AKAP19: variants seen among roughly 807,000 people sequenced by gnomAD.
AKAP19 encodes A-kinase anchoring protein 19.
the AKAP19 span, among the ~76,000 whole-genome samples, chr2:190,164,398 T>TG: frequency 6.6e-6 from 1 of 151,976 alleles, no homozygotes. Flanking sequence ...TAGGCATGCG[T>TG]GGTGGCACTG....
At chr2:189,955,957 G>GT in the AKAP19 span, among the ~76,000 whole-genome samples, 2 of 151,924 alleles carry the variant, frequency 1.3e-5, no homozygotes, top group Admixed American at 1.3e-4. Context: ...TTAGCCATTT[G>GT]TTTTTTCTGG....
At chr2:190,086,389 C>T in the AKAP19 span, among the ~76,000 whole-genome samples, 1 of 152,190 alleles carries the variant, frequency 6.6e-6, no homozygotes, top group Admixed American at 6.5e-5. Context: ...GATGACGAAT[C>T]TCCTAAATGT....
chr2:190,105,896 C>CT, the AKAP19 span, among the ~76,000 whole-genome samples: 1 of 152,196 alleles, frequency 6.6e-6, no homozygotes, highest in Admixed American at 6.5e-5. Flanking sequence ...TCTTATTCAT[C>CT]TTTATTCCTC....
the AKAP19 span, among the ~76,000 whole-genome samples, chr2:190,117,476 A>G: frequency 6.6e-6 from 1 of 152,258 alleles, no homozygotes; most frequent in Admixed American, 6.5e-5. Context: ...TCATGTGGAA[A>G]TGCTACACAC....
At chr2:190,063,632 G>C in the AKAP19 span, among the ~76,000 whole-genome samples, 1 of 152,050 alleles carries the variant, frequency 6.6e-6, no homozygotes, top group Non-Finnish European at 1.5e-5. Context: ...AATTATATCA[G>C]AATATTATGA....
the AKAP19 span, among the ~76,000 whole-genome samples, chr2:189,937,645 C>T: frequency 6.6e-6 from 1 of 152,030 alleles, no homozygotes; most frequent in South Asian, 2.1e-4. Flanking sequence ...AAATGGCAAA[C>T]CGATATATGA....
At chr2:189,895,733 A>G in the AKAP19 span, among the ~76,000 whole-genome samples, 26 of 152,270 alleles carry the variant, frequency 1.7e-4, no homozygotes, top group African/African-American at 5.8e-4. Flanking sequence ...GAGCAACTAA[A>G]TGTTTTTGAA....
chr2:190,058,373 A>G, the AKAP19 span, among the ~76,000 whole-genome samples: 3 of 152,026 alleles, frequency 2.0e-5, no homozygotes, highest in African/African-American at 4.8e-5. Flanking sequence ...AAAAAGGAAC[A>G]CTTTCTTAAA....
At chr2:190,089,042 C>T in the AKAP19 span, among the ~76,000 whole-genome samples, 4 of 152,162 alleles carry the variant, frequency 2.6e-5, no homozygotes, top group Non-Finnish European at 4.4e-5. Context: ...CAGCAGGGGT[C>T]ACTATAGCCA....
chr2:190,154,077 G>A, the AKAP19 span, among the ~76,000 whole-genome samples: 2,165 of 151,990 alleles, frequency 0.014, 51 homozygotes, highest in African/African-American at 0.049. Context: ...ATTTCAACAC[G>A]AAATTTCAGT....
chr2:190,112,317 T>G, the AKAP19 span, among the ~76,000 whole-genome samples: 1 of 152,196 alleles, frequency 6.6e-6, no homozygotes, highest in East Asian at 1.9e-4. Context: ...TATCTTATTT[T>G]CTAATTGTCA....
the AKAP19 span, among the ~76,000 whole-genome samples, chr2:190,183,607 ATTCT>A: frequency 9.9e-4 from 151 of 152,236 alleles, no homozygotes; most frequent in African/African-American, 3.5e-3. Flanking sequence ...AGGAATTCTA[ATTCT>A]TTCTTTTAAT....
the AKAP19 span, among the ~76,000 whole-genome samples, chr2:190,098,913 C>G: frequency 6.6e-6 from 1 of 152,204 alleles, no homozygotes. Context: ...CATGAAGCAG[C>G]CTCTGCTAGC....
At chr2:189,897,839 G>T in the AKAP19 span, among the ~76,000 whole-genome samples, 1 of 152,044 alleles carries the variant, frequency 6.6e-6, no homozygotes, top group Admixed American at 6.6e-5. Context: ...TAACAGTGTT[G>T]AATAATTTAG....
At chr2:189,966,236 C>T in the AKAP19 span, among the ~76,000 whole-genome samples, 4 of 151,892 alleles carry the variant, frequency 2.6e-5, no homozygotes, top group Admixed American at 6.6e-5. Flanking sequence ...AATTGGGTTC[C>T]GTGTGTACTA....
At chr2:189,970,902 G>A in the AKAP19 span, among the ~76,000 whole-genome samples, 2 of 152,138 alleles carry the variant, frequency 1.3e-5, no homozygotes, top group East Asian at 1.9e-4. Flanking sequence ...TCGCCCTATG[G>A]CTGTAATTTG....
At chr2:189,934,580 G>T in the AKAP19 span, among the ~76,000 whole-genome samples, 5 of 150,814 alleles carry the variant, frequency 3.3e-5, no homozygotes, top group Non-Finnish European at 7.4e-5. Flanking sequence ...GAATTTTAAG[G>T]GTGCCCTTTT....
At chr2:190,187,802 C>T in the AKAP19 span, among the ~76,000 whole-genome samples, 20 of 152,162 alleles carry the variant, frequency 1.3e-4, no homozygotes, top group African/African-American at 3.6e-4. Context: ...TGCTGTGAGC[C>T]ACAACTGGCC....
the AKAP19 span, chr2:190,150,375 G>A: frequency 1.3e-5 from 2 of 152,158 alleles, no homozygotes; most frequent in African/African-American, 2.4e-5. Flanking sequence ...GGGATGCAGC[G>A]AGATCCCAGG....
Sources: allele counts gnomAD v4.1 joint callset (sites outside exome capture counted in the v4.1 genomes callset), GRCh38; gene constraint gnomAD v4.1.1; transcripts MANE v1.5; gene names NCBI Gene and HGNC (gene_info 2026-07-23, HGNC 2026-07-21).